KALRN: variants seen among roughly 807,000 people sequenced by gnomAD.
The protein encoded by KALRN is kalirin RhoGEF kinase.
In KALRN, 70 loss-of-function variants were observed where a neutral mutation model predicts 353.7. The observed-to-expected ratio is 0.20, with a 90% CI of 0.16 to 0.24. The LOEUF (loss-of-function observed/expected upper bound fraction) is 0.24, where lower values mean the gene tolerates loss of function less well. KALRN is among the 10% of genes least tolerant of loss of function. The probability of loss-of-function intolerance (pLI) is 1.00; values close to 1 mark genes in which losing one functional copy is unlikely to be tolerated. For missense variants in KALRN, 2,791 were observed against 3,756.7 expected (o/e 0.74, Z 6.72); for synonymous variants, 1,391 against 1,434.8 (o/e 0.97, Z 0.69).
chr3:124,269,401 G>A (rs565661428), intron 5 of KALRN, 146 bp downstream of exon 5: 164 of 817,368 alleles, frequency 2.0e-4, no homozygotes, highest in Admixed American at 5.3e-4. Flanking sequence ...ATTTTTTTAA[G>A]CTCACCCTTA....
chr3:124,611,063 A>G (rs910967949), intron 34 of KALRN, among the ~76,000 whole-genome samples: 2 of 152,014 alleles, frequency 1.3e-5, no homozygotes, highest in African/African-American at 4.8e-5. Context: ...GATGGCAGTA[A>G]GTGCTATAGA....
intron 49 of KALRN, 78 bp downstream of exon 49, chr3:124,674,692 A>C: frequency 4.4e-6 from 6 of 1,370,568 alleles, no homozygotes; most frequent in South Asian, 1.5e-5. Flanking sequence ...GAACACAAAA[A>C]TGCAAACACA....
chr3:124,586,634 C>G (rs1253704534), intron 34 of KALRN, among the ~76,000 whole-genome samples: 1 of 152,120 alleles, frequency 6.6e-6, no homozygotes, highest in African/African-American at 2.4e-5. Context: ...GTGCGAGTGG[C>G]TATCGTAGGA....
intron 1 of KALRN, among the ~76,000 whole-genome samples, chr3:124,107,320 T>C (rs565463855): frequency 1.6e-3 from 245 of 152,238 alleles, no homozygotes; most frequent in African/African-American, 5.5e-3. Flanking sequence ...AGTCCCTCAG[T>C]GATAGTGTAA....
intron 25 of KALRN, among the ~76,000 whole-genome samples, chr3:124,466,132 T>C (rs949908942): frequency 2.5e-4 from 38 of 151,240 alleles, no homozygotes; most frequent in African/African-American, 9.2e-4. Context: ...AATGGGGAAA[T>C]TCCCCAGCAC....
chr3:124,300,607 A>G (rs1356297106), intron 6 of KALRN, among the ~76,000 whole-genome samples: 2 of 152,194 alleles, frequency 1.3e-5, no homozygotes, highest in Admixed American at 1.3e-4. Flanking sequence ...ACCACGTCCA[A>G]TTTGAAGTGG....
chr3:124,477,840 A>G (rs1269151705), intron 27 of KALRN, among the ~76,000 whole-genome samples: 1 of 151,818 alleles, frequency 6.6e-6, no homozygotes, highest in Non-Finnish European at 1.5e-5. Context: ...CTTTTTTGGA[A>G]AAAAAAAACT....
At chr3:124,416,641 G>T (rs1191524966) in intron 14 of KALRN, among the ~76,000 whole-genome samples, 1 of 152,242 alleles carries the variant, frequency 6.6e-6, no homozygotes, top group African/African-American at 2.4e-5. Context: ...CTTACTTCTG[G>T]GCTTAGGGAA....
rs78671359 is a variant in KALRN, at chr3:124,475,555, A to G, written c.4101+823A>G. On this transcript the variant is annotated intron_variant, in intron 26 of 59. Coordinates refer to ENST00000682506, the MANE Select transcript of KALRN (RefSeq NM_001388419.1). ...TCTACTATTTAATAATTACCTGATAATAACTTCCACCCATAAGGGGCTAAT... is the reference window on the plus strand; with the variant it reads ...TCTACTATTTAATAATTACCTGATAGTAACTTCCACCCATAAGGGGCTAAT... Among the ~76,000 whole-genome samples, 1,132 of 152,340 alleles carry G rather than the reference A, an allele frequency of 7.4e-3. 1 individual carries two copies. Among genetic ancestry groups the G allele is most frequent in the Middle Eastern group, 0.014 (4 of 294 alleles).
intron 21 of KALRN, among the ~76,000 whole-genome samples, chr3:124,447,147 GT>G (rs1358282992): frequency 6.6e-6 from 1 of 152,126 alleles, no homozygotes; most frequent in East Asian, 1.9e-4. Flanking sequence ...CATGCTTCAG[GT>G]TCTGGAATCT....
chr3:124,683,567 C>T (rs891320187), intron 51 of KALRN, among the ~76,000 whole-genome samples: 3 of 152,222 alleles, frequency 2.0e-5, no homozygotes, highest in Admixed American at 6.5e-5. Flanking sequence ...CAAGTAATTA[C>T]ATGCATTTTA....
At chr3:124,633,747 TGA>T (rs2081053542) in intron 35 of KALRN, 103 bp from the exon 36 acceptor site, 2 of 899,764 alleles carry the variant, frequency 2.2e-6, no homozygotes, top group Non-Finnish European at 3.5e-6. Context: ...AAGAGTGAGT[TGA>T]GAGAGGAACT....
intron 34 of KALRN, among the ~76,000 whole-genome samples, chr3:124,572,077 C>A (rs1251573795): frequency 6.6e-6 from 1 of 151,646 alleles, no homozygotes; most frequent in African/African-American, 2.4e-5. Flanking sequence ...AACCCCAGCA[C>A]TTTGGGAGGC....
At chr3:124,629,787 T>A (rs1311350159) in intron 34 of KALRN, among the ~76,000 whole-genome samples, 1 of 106,502 alleles carries the variant, frequency 9.4e-6, no homozygotes, top group African/African-American at 3.5e-5. Flanking sequence ...TTAATCTTGC[T>A]TTTTCATTTT....
intron 34 of KALRN, among the ~76,000 whole-genome samples, chr3:124,617,775 G>C (rs67631613): frequency 0.35 from 52,540 of 152,038 alleles, 9,318 homozygotes; most frequent in Middle Eastern, 0.49. Context: ...TGATCTTGCT[G>C]ATCTGGGGAC....
intron 33 of KALRN, among the ~76,000 whole-genome samples, chr3:124,539,474 C>A (rs1202567548): frequency 6.6e-6 from 1 of 152,096 alleles, no homozygotes; most frequent in Non-Finnish European, 1.5e-5. Flanking sequence ...AGCTGAGCAC[C>A]CAACTCATTG....
intron 9 of KALRN, among the ~76,000 whole-genome samples, chr3:124,336,206 C>G (rs1458587527): frequency 1.3e-5 from 2 of 152,104 alleles, no homozygotes; most frequent in African/African-American, 2.4e-5. Context: ...CACCTCAGTC[C>G]CAGGAGAAAT....
chr3:124,228,032 C>T lies in KALRN; in HGVS notation c.116C>T (p.Pro39Leu). ...GGTTTGAAAGCTTCTGATGTCCTTC[C>T]TATCCTAAAGGAAAAGGTGGCCTTC... ...NDGLKASDVLPILKEKVAFVS... is the reference protein window; with the variant it reads ...NDGLKASDVLLILKEKVAFVS... The change falls in exon 2 of 60, where the codon CCT (proline) becomes CTT (leucine). Residue 39 changes from proline to leucine, a missense_variant. This residue lies in a region of KALRN where 110 missense variants were observed against 204.1 expected (regional missense o/e 0.54). Coordinates refer to ENST00000682506, the MANE Select transcript of KALRN (RefSeq NM_001388419.1). 1 of 1,614,062 alleles carries T rather than the reference C, an allele frequency of 6.2e-7. No individual in the cohort carries two copies. The highest frequency in any genetic ancestry group is 8.5e-7 in the Non-Finnish European group (1 of 1,179,944).
chr3:124,408,594 A>G lies in KALRN; in HGVS notation c.2347-4876A>G, dbSNP rs372236439. ...AATACAAAGTAAAATGTCTTCTTCA[A>G]TCATACTATCTTCATCATTGTTGCC... is the stretch of plus-strand genomic sequence containing the variant. On this transcript the variant is annotated intron_variant, in intron 13 of 59. Coordinates refer to ENST00000682506, the MANE Select transcript of KALRN (RefSeq NM_001388419.1). Among the ~76,000 whole-genome samples, 3 of 152,340 alleles carry G rather than the reference A, an allele frequency of 2.0e-5. 1 individual carries two copies.
Sources: allele counts gnomAD v4.1 joint callset (sites outside exome capture counted in the v4.1 genomes callset), GRCh38; gene constraint gnomAD v4.1.1; regional missense constraint gnomAD v4.1.1; transcripts MANE v1.5; gene names NCBI Gene and HGNC (gene_info 2026-07-23, HGNC 2026-07-21).